The following NOX4 variants were observed in gnomAD, a reference collection of about 807,000 sequenced individuals.
The protein encoded by NOX4 is kidney oxidase-1.
In NOX4, 69 loss-of-function variants were observed where a neutral mutation model predicts 87.6. The ratio of observed to expected loss-of-function variants is 0.79; its 90% CI spans 0.65 to 0.96. NOX4 has a LOEUF of 0.96. NOX4 is among the 40% of genes least tolerant of loss of function. NOX4 has a pLI of 0.00. For missense variants in NOX4, 680 were observed against 681.5 expected, an observed-to-expected ratio of 1.00 and a Z score of 0.02; for synonymous variants, 275 against 238.2, an observed-to-expected ratio of 1.15 and a Z score of -1.42.
chr11:89,444,123 G>A lies in NOX4; in HGVS notation c.447+12C>T. On this transcript the variant is annotated intron_variant, in intron 5 of 17. Transcript: ENST00000263317. ...CAAGTGAAAGAAAAATGGGAAGACA[G>A]AGACCACCCACCTCATCTCGGTATC... The A allele has an allele frequency of 2.5e-6, 4 of 1,610,658 alleles. No homozygotes were observed. Among genetic ancestry groups the A allele is most frequent in the Non-Finnish European group, 3.4e-6 (4 of 1,177,258 alleles).
intron 13 of NOX4, among the ~76,000 whole-genome samples, 155 bp downstream of exon 13, chr11:89,354,807 C>A (rs868839926): frequency 6.6e-6 from 1 of 152,126 alleles, no homozygotes; most frequent in Non-Finnish European, 1.5e-5. Flanking sequence ...GAGCCTGAGA[C>A]ATTATATTGC....
the NOX4 span, among the ~76,000 whole-genome samples, chr11:89,551,243 C>T: frequency 6.6e-6 from 1 of 152,114 alleles, no homozygotes; most frequent in Admixed American, 6.5e-5. Context: ...GTGATGCCTC[C>T]AACTTCATTC....
At chr11:89,398,088 T>C (rs1268880612) in intron 11 of NOX4, among the ~76,000 whole-genome samples, 1 of 151,430 alleles carries the variant, frequency 6.6e-6, no homozygotes, top group African/African-American at 2.4e-5. Context: ...GCAAACCGAA[T>C]CCAACAGCAC....
At chr11:89,532,608 C>T in the NOX4 span, among the ~76,000 whole-genome samples, 3 of 152,094 alleles carry the variant, frequency 2.0e-5, no homozygotes, top group Non-Finnish European at 2.9e-5. Context: ...TTTGGGTTAA[C>T]GCTGGAATGA....
chr11:89,456,816 T>C (rs768239738), intron 2 of NOX4, among the ~76,000 whole-genome samples: 2 of 152,064 alleles, frequency 1.3e-5, no homozygotes, highest in Non-Finnish European at 2.9e-5. Context: ...CAGTGGAGTA[T>C]GGCTAGGGTG....
At chr11:89,549,375 T>C in the NOX4 span, among the ~76,000 whole-genome samples, 1 of 152,210 alleles carries the variant, frequency 6.6e-6, no homozygotes, top group Non-Finnish European at 1.5e-5. Context: ...TCCCTTGATT[T>C]TTGTGACACG....
intron 11 of NOX4, among the ~76,000 whole-genome samples, chr11:89,389,457 T>C (rs530169594): frequency 1.3e-5 from 2 of 152,290 alleles, no homozygotes; most frequent in South Asian, 4.1e-4. Context: ...TAGCTGTATA[T>C]ATTATTGATT....
intron 12 of NOX4, 123 bp downstream of exon 12, chr11:89,373,307 AAC>A: frequency 3.8e-6 from 2 of 520,424 alleles, no homozygotes; most frequent in Non-Finnish European, 6.9e-6. Context: ...AACAAAAAAA[AAC>A]CCAGAACAGC....
At chr11:89,526,466 T>C in the NOX4 span, among the ~76,000 whole-genome samples, 1 of 152,190 alleles carries the variant, frequency 6.6e-6, no homozygotes, top group East Asian at 1.9e-4. Context: ...ATATAAGGAA[T>C]ATCTACGATA....
intron 7 of NOX4, among the ~76,000 whole-genome samples, chr11:89,429,387 C>CA (rs1943647822): frequency 1.3e-5 from 2 of 151,900 alleles, no homozygotes; most frequent in East Asian, 1.9e-4. Context: ...GACAGAGACA[C>CA]AAAAAACCCT....
At chr11:89,462,896 A>T (rs193051071) in intron 2 of NOX4, among the ~76,000 whole-genome samples, 1 of 152,146 alleles carries the variant, frequency 6.6e-6, no homozygotes, top group East Asian at 1.9e-4. Flanking sequence ...GAGAAACTCA[A>T]AATTCACAAT....
At chr11:89,557,685 T>C in the NOX4 span, among the ~76,000 whole-genome samples, 1 of 152,144 alleles carries the variant, frequency 6.6e-6, no homozygotes, top group Non-Finnish European at 1.5e-5. Context: ...CAGTATTTCA[T>C]GCTCCCTAAA....
intron 2 of NOX4, among the ~76,000 whole-genome samples, chr11:89,482,327 G>A (rs1369919042): frequency 6.6e-6 from 1 of 152,046 alleles, no homozygotes; most frequent in Non-Finnish European, 1.5e-5. Flanking sequence ...TCCAGAGGAA[G>A]ACTGACAAAG....
intron 2 of NOX4, among the ~76,000 whole-genome samples, chr11:89,473,557 C>T (rs899369498): frequency 1.3e-5 from 2 of 151,884 alleles, no homozygotes; most frequent in Admixed American, 1.3e-4. Context: ...TATATTAAAA[C>T]TCATATAGTG....
At chr11:89,390,021 A>T (rs1279718863) in intron 11 of NOX4, among the ~76,000 whole-genome samples, 1 of 152,120 alleles carries the variant, frequency 6.6e-6, no homozygotes, top group Non-Finnish European at 1.5e-5. Flanking sequence ...AAGATGTGAT[A>T]CTCACTGTTT....
chr11:89,326,739 C>T lies in NOX4; in HGVS notation c.*17G>A. On this transcript the variant is annotated 3_prime_UTR_variant, in exon 18 of 18. Coordinates refer to ENST00000263317, the MANE Select transcript of NOX4 (RefSeq NM_016931.5). The stretch of plus-strand genomic sequence containing the variant: ...CACTCATTCCTTCTTTAGAGTCCTG[C>T]TTCATGGCAAAAGTTTTCAGCTGAA... 3 of 1,611,054 alleles carry T rather than the reference C, an allele frequency of 1.9e-6. No homozygotes were observed. The highest frequency in any genetic ancestry group is 2.5e-6 in the Non-Finnish European group (3 of 1,178,348).
the NOX4 span, among the ~76,000 whole-genome samples, chr11:89,516,721 C>T: frequency 2.0e-5 from 3 of 152,006 alleles, no homozygotes; most frequent in African/African-American, 7.2e-5. Context: ...TATTTTGGGT[C>T]TTACTCCTGA....
At chr11:89,451,724 C>T (rs1329347107) in intron 3 of NOX4, 61 bp downstream of exon 3, 5 of 1,131,400 alleles carry the variant, frequency 4.4e-6, no homozygotes, top group Middle Eastern at 2.0e-4. Context: ...AACAAACTAA[C>T]ATGCGACTGT....
At position 89,437,072 on chromosome 11, in the gene NOX4, C is replaced by A. The variant is rs562246904; in HGVS notation, c.475+3616G>T. Among the ~76,000 whole-genome samples, 5 of 151,880 alleles carry A rather than the reference C, an allele frequency of 3.3e-5. No homozygotes were observed. In the East Asian group the frequency reaches 9.7e-4, roughly 29 times the overall value. ...TGAAATCTATTAACTAATAAAAATA[C>A]TCTTTATCAGCTGGGCGCAGTGGCT... On this transcript the variant is annotated intron_variant, in intron 6 of 17. Transcript: ENST00000263317.
Sources: allele counts gnomAD v4.1 joint callset (sites outside exome capture counted in the v4.1 genomes callset), GRCh38; gene constraint gnomAD v4.1.1; transcripts MANE v1.5; gene names NCBI Gene and HGNC (gene_info 2026-07-23, HGNC 2026-07-21).